Variants in ITPR2 observed in about 807,000 individuals in gnomAD.
ITPR2 encodes inositol 1,4,5-trisphosphate-gated calcium channel ITPR2.
In ITPR2, 207 loss-of-function variants were observed where a neutral mutation model predicts 317.1. That is an observed-to-expected ratio of 0.65 (90% CI 0.58 to 0.73). ITPR2 has a LOEUF of 0.73. Among genes scored for constraint, ITPR2 ranks in the 30% least tolerant of loss-of-function variants. The pLI is 0.00. For missense variants in ITPR2, 2,613 were observed against 3,284.0 expected (o/e 0.80, Z 4.99); for synonymous variants, 1,156 against 1,149.1 (o/e 1.01, Z -0.12).
intron 37 of ITPR2, among the ~76,000 whole-genome samples, chr12:26,516,997 T>C (rs543897090): frequency 2.0e-4 from 30 of 152,206 alleles, no homozygotes; most frequent in African/African-American, 3.6e-4. Context: ...TATAATGTAA[T>C]AGAATTATCT....
At chr12:26,525,988 G>C (rs770415225) in intron 37 of ITPR2, among the ~76,000 whole-genome samples, 1 of 152,158 alleles carries the variant, frequency 6.6e-6, no homozygotes, top group Non-Finnish European at 1.5e-5. Flanking sequence ...CAGCACTCAG[G>C]TGTTGCTCCC....
At chr12:26,599,408 T>TA in intron 29 of ITPR2, 63 bp from the exon 30 acceptor site, 1 of 1,374,712 alleles carries the variant, frequency 7.3e-7, no homozygotes, top group Admixed American at 1.7e-5. Flanking sequence ...CTACAGTACT[T>TA]AGACTAATTG....
intron 55 of ITPR2, among the ~76,000 whole-genome samples, chr12:26,350,169 A>G (rs1565483485): frequency 6.6e-6 from 1 of 152,072 alleles, no homozygotes; most frequent in Non-Finnish European, 1.5e-5. Flanking sequence ...GACTTTAGGG[A>G]GGCGGAGGGA....
intron 45 of ITPR2, among the ~76,000 whole-genome samples, chr12:26,465,080 C>G (rs1217953108): frequency 6.6e-6 from 1 of 152,170 alleles, no homozygotes. Flanking sequence ...AGTCATGTGA[C>G]TAAGTGACAT....
Position 26,428,026 on chromosome 12 carries a change from G to A in ITPR2, c.6832C>T (p.Leu2278=). Residue 2278 remains leucine, a synonymous_variant, in exon 49 of 57, where the codon CTG becomes TTG. Transcript: ENST00000381340. ...CCCACAGGCTTGGAGAAGAAAAACA[G>A]CATAGATGTGCAGATCGCAACTGCT... ...WIAVAICTSM[L]FFFSKPVGIR... 1 of 1,612,616 alleles carries A rather than the reference G, an allele frequency of 6.2e-7. No homozygotes were observed. Among genetic ancestry groups the A allele is most frequent in the Non-Finnish European group, 8.5e-7 (1 of 1,179,236 alleles).
intron 30 of ITPR2, among the ~76,000 whole-genome samples, chr12:26,598,397 C>T (rs1462851949): frequency 6.6e-6 from 1 of 152,108 alleles, no homozygotes; most frequent in African/African-American, 2.4e-5. Flanking sequence ...TAAAAATCTA[C>T]CATGTAACTG....
chr12:26,463,591 G>T (rs1380965085), intron 45 of ITPR2, among the ~76,000 whole-genome samples: 1 of 152,028 alleles, frequency 6.6e-6, no homozygotes, highest in Non-Finnish European at 1.5e-5. Flanking sequence ...CTTGAACCAG[G>T]GAGGCAGAGA....
intron 37 of ITPR2, among the ~76,000 whole-genome samples, chr12:26,528,952 A>G (rs1027498548): frequency 6.6e-6 from 1 of 152,062 alleles, no homozygotes; most frequent in African/African-American, 2.4e-5. Context: ...TTTGTCTTTT[A>G]TTGCACATTC....
chr12:26,830,570 T>A (rs1468076737), intron 1 of ITPR2, among the ~76,000 whole-genome samples: 1 of 152,216 alleles, frequency 6.6e-6, no homozygotes, highest in South Asian at 2.1e-4. Context: ...TTAACCTCAA[T>A]TCCTAATCTC....
intron 34 of ITPR2, among the ~76,000 whole-genome samples, chr12:26,578,339 G>T (rs1251953465): frequency 6.6e-6 from 1 of 151,920 alleles, no homozygotes; most frequent in Non-Finnish European, 1.5e-5. Context: ...AACAAAATTG[G>T]AAAACTACAA....
intron 32 of ITPR2, among the ~76,000 whole-genome samples, chr12:26,592,577 G>A (rs1945734056): frequency 6.6e-6 from 1 of 152,118 alleles, no homozygotes; most frequent in African/African-American, 2.4e-5. Flanking sequence ...AAAGAAAAAA[G>A]TAGTAAGCTC....
intron 2 of ITPR2, among the ~76,000 whole-genome samples, chr12:26,765,672 CTTAT>C (rs1949708171): frequency 6.6e-6 from 1 of 152,072 alleles, no homozygotes; most frequent in South Asian, 2.1e-4. Context: ...ATTAAGCTCA[CTTAT>C]TTAAAGTGTG....
chr12:26,578,467 C>A (rs1171285949), intron 34 of ITPR2, among the ~76,000 whole-genome samples: 1 of 152,132 alleles, frequency 6.6e-6, no homozygotes, highest in African/African-American at 2.4e-5. Flanking sequence ...TAAAATCTGA[C>A]TGAGCCATAT....
chr12:26,698,179 CA>C (rs1948385326), intron 9 of ITPR2, among the ~76,000 whole-genome samples: 1 of 152,112 alleles, frequency 6.6e-6, no homozygotes, highest in South Asian at 2.1e-4. Context: ...ATTGTGTATG[CA>C]GAGGTTACTC....
chr12:26,622,285 A>C lies in ITPR2; in HGVS notation c.3243T>G (p.Phe1081Leu). The C allele has an allele frequency of 6.2e-7, 1 of 1,613,924 alleles. No homozygotes were observed. Residue 1081 changes from phenylalanine to leucine, a missense_variant, in exon 25 of 57, where the codon TTT (phenylalanine) becomes TTG (leucine). Around this residue, in one of 9 missense-constraint regions of ITPR2, gnomAD observed 817 missense variants for 897.6 expected, o/e 0.91. Transcript: ENST00000381340. Reference protein sequence around the residue: ...PLLSGALQLLFKHFSQRAEVL... With the variant: ...PLLSGALQLLLKHFSQRAEVL... ...CCTCTGCCCTCTGGCTGAAGTGCTT[A>C]AACAACAGCTGCAGGGCTCCAGACA...
chr12:26,622,682 G>A (rs537809134), intron 24 of ITPR2, among the ~76,000 whole-genome samples: 1 of 152,354 alleles, frequency 6.6e-6, no homozygotes, highest in Admixed American at 6.5e-5. Context: ...GGTCACCTTG[G>A]CATAGACAAA....
At chr12:26,410,099 A>T (rs1198242352) in intron 52 of ITPR2, among the ~76,000 whole-genome samples, 1 of 152,198 alleles carries the variant, frequency 6.6e-6, no homozygotes, top group Non-Finnish European at 1.5e-5. Flanking sequence ...CTTGCCCTGG[A>T]GTGTCATGGC....
At chr12:26,563,508 T>C (rs1211429406) in intron 34 of ITPR2, among the ~76,000 whole-genome samples, 4 of 151,794 alleles carry the variant, frequency 2.6e-5, no homozygotes, top group Non-Finnish European at 4.4e-5. Context: ...AGGCAGAGGT[T>C]GCACACCACT....
chr12:26,363,091 G>A (rs1272312646), intron 55 of ITPR2, among the ~76,000 whole-genome samples: 1 of 152,204 alleles, frequency 6.6e-6, no homozygotes, highest in Non-Finnish European at 1.5e-5. Context: ...TGGTAGATGA[G>A]TGAGTGAAGC....
Sources: gnomAD v4.1 joint callset for allele counts (sites outside exome capture counted in the v4.1 genomes callset) on GRCh38, gnomAD v4.1.1 for gene constraint, gnomAD v4.1.1 regional missense constraint, MANE v1.5 for transcripts, NCBI Gene and HGNC (gene_info 2026-07-23, HGNC 2026-07-21) for gene names.